The following NCAM1 variants were observed in gnomAD, a reference collection of about 807,000 sequenced individuals.
NCAM1 encodes the protein antigen recognized by monoclonal antibody 5.1H11.
In NCAM1, 14 loss-of-function variants were observed where a neutral mutation model predicts 109.8. That is an observed-to-expected ratio of 0.13 (90% CI 0.08 to 0.20). The LOEUF (loss-of-function observed/expected upper bound fraction) is 0.20. Among genes scored for constraint, NCAM1 ranks in the 10% least tolerant of loss-of-function variants. The probability of loss-of-function intolerance (pLI) is 1.00; values close to 1 mark genes in which losing one functional copy is unlikely to be tolerated. For synonymous variants in NCAM1, 418 were observed against 442.9 expected (o/e 0.94, Z 0.70); for missense variants, 774 against 1,109.9 (o/e 0.70, Z 4.30).
chr11:112,976,477 A>C (rs1230180959), intron 1 of NCAM1, among the ~76,000 whole-genome samples: 1 of 151,974 alleles, frequency 6.6e-6, no homozygotes, highest in Non-Finnish European at 1.5e-5. Context: ...ATTTAAACCT[A>C]CAGATTGATT....
chr11:113,040,352 T>C (rs1953032231), intron 1 of NCAM1, among the ~76,000 whole-genome samples: 1 of 152,066 alleles, frequency 6.6e-6, no homozygotes, highest in South Asian at 2.1e-4. Context: ...TGGGATGTGA[T>C]TGTCTGAGAA....
chr11:113,242,794 T>G (rs1945371257), intron 14 of NCAM1: 9 of 1,613,018 alleles, frequency 5.6e-6, no homozygotes, highest in Non-Finnish European at 7.6e-6. Context: ...CTGTCTGTCG[T>G]GTTTCCATAG....
chr11:113,252,601 C>T (rs923480421), intron 15 of NCAM1, among the ~76,000 whole-genome samples: 3 of 152,034 alleles, frequency 2.0e-5, no homozygotes, highest in East Asian at 3.9e-4. Flanking sequence ...TTGAATAAAT[C>T]GTAGGTAAAG....
chr11:113,198,156 T>C (rs1943913204), intron 1 of NCAM1, among the ~76,000 whole-genome samples: 1 of 152,196 alleles, frequency 6.6e-6, no homozygotes, highest in Non-Finnish European at 1.5e-5. Flanking sequence ...ACTTTTTTTC[T>C]GTCTGTGAAC....
chr11:113,234,960 C>G (rs1181367324), intron 13 of NCAM1, 73 bp from the exon 14 acceptor site: 1 of 1,477,650 alleles, frequency 6.8e-7, no homozygotes, highest in East Asian at 2.5e-5. Flanking sequence ...TCAGGACCCT[C>G]CCTACTGTTT....
chr11:113,011,921 C>A (rs1284386935), intron 1 of NCAM1, among the ~76,000 whole-genome samples: 7 of 151,802 alleles, frequency 4.6e-5, no homozygotes, highest in Admixed American at 1.3e-4. Flanking sequence ...AATTTCTTTT[C>A]TTTCCTTCTT....
intron 1 of NCAM1, among the ~76,000 whole-genome samples, chr11:113,104,295 A>C (rs1940045432): frequency 1.3e-5 from 2 of 151,292 alleles, no homozygotes; most frequent in African/African-American, 2.4e-5. Context: ...GAAGAGTAAC[A>C]GTGATTTATA....
chr11:113,086,058 G>A (rs1045394339), intron 1 of NCAM1, among the ~76,000 whole-genome samples: 1 of 152,212 alleles, frequency 6.6e-6, no homozygotes, highest in Non-Finnish European at 1.5e-5. Flanking sequence ...GATGACTTCA[G>A]ACCAATTTGC....
chr11:113,193,900 G>A (rs1259864141), intron 1 of NCAM1, among the ~76,000 whole-genome samples: 4 of 152,148 alleles, frequency 2.6e-5, no homozygotes, highest in Admixed American at 6.5e-5. Flanking sequence ...CAGCTAGGTG[G>A]TTTGTAGGGG....
intron 1 of NCAM1, among the ~76,000 whole-genome samples, chr11:113,198,225 T>A (rs1226691865): frequency 6.6e-6 from 1 of 152,178 alleles, no homozygotes; most frequent in Non-Finnish European, 1.5e-5. Flanking sequence ...CAGTCTTGAA[T>A]CTTGACCCTA....
chr11:113,265,930 T>C (rs2137721709), intron 17 of NCAM1, among the ~76,000 whole-genome samples: 1 of 152,320 alleles, frequency 6.6e-6, no homozygotes, highest in Non-Finnish European at 1.5e-5. Flanking sequence ...GCCAGTTCCC[T>C]CTTTAGTGCC....
chr11:113,152,031 T>G (rs1387539954), intron 1 of NCAM1, among the ~76,000 whole-genome samples: 2 of 152,220 alleles, frequency 1.3e-5, no homozygotes, highest in Non-Finnish European at 2.9e-5. Flanking sequence ...ACACCTAGAA[T>G]GGGTCATTTA....
At chr11:113,114,448 G>T (rs941564580) in intron 1 of NCAM1, among the ~76,000 whole-genome samples, 1 of 152,238 alleles carries the variant, frequency 6.6e-6, no homozygotes, top group East Asian at 1.9e-4. Flanking sequence ...CATTTAAGCA[G>T]CAGGAAAAGA....
rs188916052 is a variant in NCAM1, at chr11:113,264,265, A to T, written c.2131+3942A>T. 8,601 of 985,038 alleles carry T rather than the reference A, an allele frequency of 8.7e-3. 49 individuals carry two copies. Among genetic ancestry groups the T allele is most frequent in the Non-Finnish European group, 9.6e-3 (7,936 of 829,828 alleles). The allele number at this position is 985,038 out of a possible 1,614,324, so 61.0% of individuals were successfully genotyped here. A position where few individuals can be genotyped will look rare whatever the true frequency, so the allele number is the denominator to read the frequency against. Reference sequence around the variant, plus strand: ...TTTTTTCTGTTGTTATTATTTTTTAATGTTCAAAGACTAGCCTTTCCCTTT... The same window carrying T: ...TTTTTTCTGTTGTTATTATTTTTTATTGTTCAAAGACTAGCCTTTCCCTTT... On this transcript the variant is annotated intron_variant, in intron 17 of 19. Transcript: ENST00000316851.
chr11:113,098,549 G>A (rs1466752951), intron 1 of NCAM1, among the ~76,000 whole-genome samples: 2 of 152,108 alleles, frequency 1.3e-5, no homozygotes, highest in Admixed American at 6.6e-5. Flanking sequence ...AGTGAGAAAG[G>A]TAACCTCAGA....
intron 1 of NCAM1, among the ~76,000 whole-genome samples, chr11:113,040,625 A>C (rs782657831): frequency 1.5e-4 from 23 of 152,206 alleles, no homozygotes; most frequent in Non-Finnish European, 3.1e-4. Flanking sequence ...CTCTCATAGA[A>C]ATCAAAATAA....
At chr11:113,215,887 C>T (rs1944513512) in intron 8 of NCAM1, among the ~76,000 whole-genome samples, 3 of 152,322 alleles carry the variant, frequency 2.0e-5, no homozygotes, top group South Asian at 2.1e-4. Flanking sequence ...CATTTCAGGG[C>T]TTAAACCACA....
intron 14 of NCAM1, among the ~76,000 whole-genome samples, chr11:113,241,327 G>A (rs1226585103): frequency 1.3e-5 from 2 of 152,234 alleles, no homozygotes; most frequent in Non-Finnish European, 2.9e-5. Flanking sequence ...TACTTTTCTT[G>A]TAAATATTTG....
chr11:113,159,410 G>A (rs1013863782), intron 1 of NCAM1, among the ~76,000 whole-genome samples: 7 of 151,948 alleles, frequency 4.6e-5, no homozygotes, highest in Non-Finnish European at 1.0e-4. Flanking sequence ...ATCCAGAATT[G>A]CAGAAATGTT....
Sources: allele counts gnomAD v4.1 joint callset (sites outside exome capture counted in the v4.1 genomes callset), GRCh38; gene constraint gnomAD v4.1.1; transcripts MANE v1.5; gene names NCBI Gene and HGNC (gene_info 2026-07-23, HGNC 2026-07-21).